Variants in SPMIP5 observed in about 807,000 individuals in gnomAD.
SPMIP5 encodes sperm microtubule inner protein 5, also known as sperm-associated microtubule inner protein 5.
the SPMIP5 span, chr10:116,663,999 C>A: frequency 2.6e-6 from 4 of 1,546,654 alleles, no homozygotes; most frequent in Non-Finnish European, 3.5e-6. Flanking sequence ...CACATGTCAG[C>A]GGAGTTTTGG....
At chr10:116,664,992 T>C in the SPMIP5 span, 7 of 1,574,284 alleles carry the variant, frequency 4.4e-6, no homozygotes, top group East Asian at 1.6e-4. Context: ...TAAAAAATGT[T>C]TTCCACTGAC....
At chr10:116,668,309 C>A in the SPMIP5 span, 3 of 1,613,090 alleles carry the variant, frequency 1.9e-6, no homozygotes, top group Non-Finnish European at 2.5e-6. Context: ...TTGGAAGGCT[C>A]CATGATTTCG....
chr10:116,663,766 A>C, the SPMIP5 span: 6 of 949,380 alleles, frequency 6.3e-6, no homozygotes, highest in African/African-American at 1.7e-5. Context: ...TGCAACCGTC[A>C]ACCACTCAGG....
At chr10:116,664,798 C>T in the SPMIP5 span, 2 of 1,614,168 alleles carry the variant, frequency 1.2e-6, no homozygotes, top group Non-Finnish European at 1.7e-6. Context: ...TTGGCCCTCT[C>T]CGTGATCTCC....
At chr10:116,665,513 G>A in the SPMIP5 span, 2 of 1,131,362 alleles carry the variant, frequency 1.8e-6, no homozygotes, top group Non-Finnish European at 2.6e-6. Context: ...TTGGAACGGT[G>A]CGGGATTCTG....
chr10:116,665,541 C>A, the SPMIP5 span: 1 of 1,470,692 alleles, frequency 6.8e-7, no homozygotes, highest in South Asian at 1.3e-5. Context: ...TGGGGCAGCT[C>A]AGCTGGCCTA....
At chr10:116,665,848 A>T in the SPMIP5 span, 1 of 1,590,186 alleles carries the variant, frequency 6.3e-7, no homozygotes, top group African/African-American at 1.3e-5. Flanking sequence ...GAATGGAATC[A>T]CAGCCTTCAG....
chr10:116,668,473 CAG>C, the SPMIP5 span: 4 of 687,214 alleles, frequency 5.8e-6, no homozygotes, highest in African/African-American at 1.8e-5. Flanking sequence ...TACCCAAAGC[CAG>C]AGACACAGCT....
the SPMIP5 span, chr10:116,668,369 A>T: frequency 6.9e-7 from 1 of 1,440,666 alleles, no homozygotes; most frequent in South Asian, 1.1e-5. Flanking sequence ...ATCAAAAGTC[A>T]CTGCCTTAAG....
the SPMIP5 span, chr10:116,668,388 A>T: frequency 1.5e-6 from 2 of 1,304,800 alleles, no homozygotes; most frequent in South Asian, 1.2e-5. Flanking sequence ...AGGAATTACT[A>T]TTGAGTGTGC....
At chr10:116,666,802 G>C in the SPMIP5 span, among the ~76,000 whole-genome samples, 1 of 152,182 alleles carries the variant, frequency 6.6e-6, no homozygotes, top group Non-Finnish European at 1.5e-5. Flanking sequence ...GGCCGACTTT[G>C]GTCTGCCTAG....
the SPMIP5 span, chr10:116,664,983 A>G: frequency 6.3e-7 from 1 of 1,582,612 alleles, no homozygotes; most frequent in South Asian, 1.2e-5. Flanking sequence ...GAAAGCAACT[A>G]AAAAATGTTT....
At chr10:116,668,146 C>T in the SPMIP5 span, 73 of 1,043,748 alleles carry the variant, frequency 7.0e-5, no homozygotes, top group Non-Finnish European at 9.9e-5. Context: ...AGCTAGAGCG[C>T]CTAGACTGGT....
the SPMIP5 span, among the ~76,000 whole-genome samples, chr10:116,667,590 TC>T: frequency 3.3e-5 from 5 of 152,172 alleles, no homozygotes; most frequent in Admixed American, 3.3e-4. Flanking sequence ...GTACTATTCC[TC>T]CTGAGAACGG....
At chr10:116,665,103 A>C in the SPMIP5 span, 1 of 1,400,636 alleles carries the variant, frequency 7.1e-7, no homozygotes, top group Non-Finnish European at 9.2e-7. Flanking sequence ...TCCCCTAGAA[A>C]TGTTTCTTTC....
At chr10:116,665,514 C>T in the SPMIP5 span, 17 of 1,144,212 alleles carry the variant, frequency 1.5e-5, no homozygotes, top group Admixed American at 6.4e-5. Context: ...TGGAACGGTG[C>T]GGGATTCTGG....
chr10:116,665,436 G>GA, the SPMIP5 span: 1 of 526,824 alleles, frequency 1.9e-6, no homozygotes, highest in Non-Finnish European at 3.3e-6. Context: ...AAGAAAGAAA[G>GA]AAAAAGAAAT....
chr10:116,664,241 A>G, the SPMIP5 span: 2 of 1,610,196 alleles, frequency 1.2e-6, no homozygotes, highest in Non-Finnish European at 1.7e-6. Flanking sequence ...GAGACGGAGC[A>G]GAAGTTTTTG....
chr10:116,663,604 T>A, the SPMIP5 span: 25 of 291,802 alleles, frequency 8.6e-5, no homozygotes, highest in African/African-American at 5.2e-4. Flanking sequence ...TCAGTGAAGA[T>A]CCTGGCCTGG....
Sources: gnomAD v4.1 joint callset for allele counts (sites outside exome capture counted in the v4.1 genomes callset) on GRCh38, gnomAD v4.1.1 for gene constraint, MANE v1.5 for transcripts, NCBI Gene and HGNC (gene_info 2026-07-23, HGNC 2026-07-21) for gene names.